Variants in PAGE1 observed in about 807,000 individuals in gnomAD.
PAGE1 encodes P antigen family member 1.
In PAGE1, 6 loss-of-function variants were observed where a neutral mutation model predicts 11.5. The ratio of observed to expected loss-of-function variants is 0.52; its 90% CI spans 0.29 to 1.03. The LOEUF is 1.03. PAGE1 is among the 50% of genes least tolerant of loss of function. The probability of loss-of-function intolerance (pLI) is 0.09; values close to 1 mark genes in which losing one functional copy is unlikely to be tolerated. For missense variants in PAGE1, 120 were observed against 110.2 expected (o/e 1.09, Z -0.40); for synonymous variants, 42 against 40.2 (o/e 1.05, Z -0.17).
chrX:49,695,495 C>T (rs782441948), intron 1 of PAGE1, among the ~76,000 whole-genome samples: 1 of 111,611 alleles, frequency 9.0e-6, no homozygotes, highest in Admixed American at 9.5e-5. Context: ...CCATCTTCAC[C>T]ACCCACCTCC....
chrX:49,691,412 C>T, intron 3 of PAGE1, 38 bp from the exon 4 acceptor site: 1 of 1,115,060 alleles, frequency 9.0e-7, no homozygotes. Context: ...TAAGCAGCAA[C>T]ACATGAAATA....
At position 49,694,066 on chromosome X, in the gene PAGE1, C is replaced by CACACACA. The variant is rs782179765; in HGVS notation, c.166+32_166+33insTGTGTGT. ...CACACACACACACACACACACACAC[C>CACACACA]CCAACAGGCATTCTTCTTCCCTTTC... On this transcript the variant is annotated intron_variant, in intron 3 of 5. Transcript: ENST00000376150. The CACACACA allele has an allele frequency of 1.2e-5, 8 of 684,911 alleles. No homozygotes were observed. The East Asian group carries it at 2.4e-4, about 21-fold the overall frequency. 56.4% of individuals were successfully genotyped at this position (684,911 alleles called of 1,213,427 possible).
chrX:49,692,773 C>A (rs1477518818), intron 3 of PAGE1, among the ~76,000 whole-genome samples: 1 of 107,287 alleles, frequency 9.3e-6, no homozygotes, highest in African/African-American at 3.5e-5. Context: ...TCCTATATAA[C>A]GAAACATTTA....
chrX:49,694,021 GACACACAC>G lies in PAGE1; in HGVS notation c.166+70_166+77del, dbSNP rs565227923. 1,667 of 362,222 alleles carry G rather than the reference GACACACAC, an allele frequency of 4.6e-3. 10 individuals are homozygous for G. The highest frequency in any genetic ancestry group is 0.034 in the African/African-American group (1,103 of 32,219). 29.9% of individuals were successfully genotyped at this position (362,222 alleles called of 1,213,427 possible). A position where few individuals can be genotyped will look rare whatever the true frequency, so the allele number is the denominator to read the frequency against. The stretch of plus-strand genomic sequence containing the variant: ...GTTCCTGGTATGTGACAATGCATGA[GACACACAC>G]ACACACACACACACACACACACACA... On this transcript the variant is annotated intron_variant, in intron 3 of 5. Transcript: ENST00000376150.
intron 4 of PAGE1, among the ~76,000 whole-genome samples, chrX:49,689,813 TAC>T (rs782393581): frequency 1.6e-5 from 1 of 62,036 alleles, no homozygotes; most frequent in Admixed American, 2.0e-4. Flanking sequence ...TATGTGTATA[TAC>T]ACACATATAT....
chrX:49,694,075 C>T, intron 3 of PAGE1, 24 bp downstream of exon 3: 1 of 918,856 alleles, frequency 1.1e-6, no homozygotes, highest in Non-Finnish European at 1.6e-6. Flanking sequence ...CCCCAACAGG[C>T]ATTCTTCTTC....
intron 3 of PAGE1, among the ~76,000 whole-genome samples, chrX:49,692,807 C>T (rs1421497989): frequency 5.7e-5 from 6 of 104,390 alleles, no homozygotes; most frequent in African/African-American, 1.2e-4. Flanking sequence ...TATTTATTTG[C>T]GATGAGGTCT....
rs2066931826 is a variant in PAGE1 at position 49,694,123 on chromosome X, C to T, written c.142G>A (p.Asp48Asn). 8.4e-7 allele frequency: 1 copy of T among 1,190,371 alleles called. No homozygotes were observed. The highest frequency in any genetic ancestry group is 1.8e-5 in the African/African-American group (1 of 56,078). Residue 48 changes from aspartate to asparagine, a missense_variant, in exon 3 of 6, where the codon GAT becomes AAT. Physicochemically the swap from Asp to Asn is conservative, Grantham distance 23. Coordinates refer to ENST00000376150, the MANE Select transcript of PAGE1 (RefSeq NM_003785.4). ...CCTTGAGCTGCAGATGCTCCCTCATCCTCTCTCTCTTCAGCAGGTGTAGAA... is the reference window on the plus strand; with the variant it reads ...CCTTGAGCTGCAGATGCTCCCTCATTCTCTCTCTCTTCAGCAGGTGTAGAA... Reference protein sequence around the residue: ...QDSTPAEEREDEGASAAQGQE... With the variant: ...QDSTPAEERENEGASAAQGQE...
In PAGE1 at chrX:49,691,305, G is replaced by A. The variant is rs184345075; in HGVS notation, c.236C>T (p.Pro79Leu). ...TCGCAGGCACACCCTCTTGGTATCA[G>A]GACCATCTCCAAGCTCACACCCAGT... ...PKTGCELGDGPDTKRVCLRNE... is the reference protein window; with the variant it reads ...PKTGCELGDGLDTKRVCLRNE... Residue 79 changes from proline to leucine, a missense_variant, in exon 4 of 6, where the codon CCT (proline) becomes CTT (leucine). Transcript: ENST00000376150. The A allele has an allele frequency of 8.3e-7, 1 of 1,208,288 alleles. No individual in the cohort carries two copies. Among genetic ancestry groups the A allele is most frequent in the Non-Finnish European group, 1.1e-6 (1 of 893,610 alleles).
At chrX:49,689,804 ATG>A (rs1320630010) in intron 4 of PAGE1, among the ~76,000 whole-genome samples, 1 of 62,487 alleles carries the variant, frequency 1.6e-5, no homozygotes, top group African/African-American at 7.0e-5. Context: ...ATGTATATAT[ATG>A]TGTATATACA....
chrX:49,694,987 T>C (rs782251676), intron 1 of PAGE1, among the ~76,000 whole-genome samples: 144 of 112,589 alleles, frequency 1.3e-3, no homozygotes, highest in African/African-American at 4.4e-3. Flanking sequence ...TTAAGGCATG[T>C]GGCAAAAGGC....
chrX:49,693,268 T>C (rs937879262), intron 3 of PAGE1, among the ~76,000 whole-genome samples: 4 of 111,981 alleles, frequency 3.6e-5, no homozygotes, highest in Non-Finnish European at 7.5e-5. Flanking sequence ...ACACTATTTG[T>C]GAATTACAGC....
At position 49,694,777 on chromosome X, in the gene PAGE1, C is replaced by T; in HGVS notation, c.-7G>A. 8.8e-7 allele frequency: 1 copy of T among 1,142,611 alleles called. No individual in the cohort carries two copies. Among genetic ancestry groups the T allele is most frequent in the Non-Finnish European group, 1.2e-6 (1 of 835,396 alleles). The allele number at this position is 1,142,611 out of a possible 1,213,427, so 94.2% of individuals were successfully genotyped here. On this transcript the variant is annotated splice_region_variant and 5_prime_UTR_variant, in exon 2 of 6. In the 5' UTR this introduces an upstream ATG that the reference lacks. Coordinates refer to ENST00000376150, the MANE Select transcript of PAGE1 (RefSeq NM_003785.4). ...ATCTTCTTAGAAAACCCATATTTCA[C>T]ACTGAAAAGAGAAAATTGTGATTGG... is the stretch of plus-strand genomic sequence containing the variant.
intron 2 of PAGE1, 44 bp downstream of exon 2, chrX:49,694,664 C>A: frequency 1.1e-6 from 1 of 901,298 alleles, no homozygotes; most frequent in Non-Finnish European, 1.6e-6. Flanking sequence ...TAATAGAAAA[C>A]ATCGAATTAA....
chrX:49,692,984 C>T (rs894459375), intron 3 of PAGE1, among the ~76,000 whole-genome samples: 2 of 110,685 alleles, frequency 1.8e-5, no homozygotes, highest in Non-Finnish European at 3.8e-5. Context: ...TACTTATATT[C>T]GGCCATAGAG....
At chrX:49,688,842 C>A (rs566436480) in intron 5 of PAGE1, among the ~76,000 whole-genome samples, 1 of 111,592 alleles carries the variant, frequency 9.0e-6, no homozygotes, top group South Asian at 3.8e-4. Flanking sequence ...TAAAAGCAGA[C>A]CTTTACAAAA....
At chrX:49,688,500 C>T (rs1238909697) in intron 5 of PAGE1, among the ~76,000 whole-genome samples, 5 of 111,428 alleles carry the variant, frequency 4.5e-5, no homozygotes, top group African/African-American at 1.3e-4. Flanking sequence ...CGCTCCCTTT[C>T]TTAGTAGCAA....
chrX:49,689,673 CAT>C (rs200399500), intron 4 of PAGE1, 130 bp from the exon 5 acceptor site: 3 of 63,745 alleles, frequency 4.7e-5, no homozygotes, highest in African/African-American at 1.1e-4. Flanking sequence ...TATACATATA[CAT>C]ATATGTGTGT....
chrX:49,689,328 G>T (rs1184803730), intron 5 of PAGE1, 90 bp downstream of exon 5: 5 of 858,418 alleles, frequency 5.8e-6, no homozygotes, highest in Non-Finnish European at 5.9e-6. Flanking sequence ...TTGACAGAGC[G>T]AGACTCTGTC....
Sources: gnomAD v4.1 joint callset for allele counts (sites outside exome capture counted in the v4.1 genomes callset) on GRCh38, gnomAD v4.1.1 for gene constraint, MANE v1.5 for transcripts, NCBI Gene and HGNC (gene_info 2026-07-23, HGNC 2026-07-21) for gene names.